CSNK1D: variants seen among roughly 807,000 people sequenced by gnomAD.
CSNK1D encodes the protein casein kinase I isoform delta.
A neutral mutation model predicts 46.6 loss-of-function variants in CSNK1D; 16 were observed. The ratio of observed to expected loss-of-function variants is 0.34; its 90% CI spans 0.23 to 0.52. The LOEUF is 0.52. Ranked by LOEUF, CSNK1D falls within the 20% of genes least tolerant of loss-of-function variation. The probability of loss-of-function intolerance (pLI) is 0.95; values close to 1 mark genes in which losing one functional copy is unlikely to be tolerated. For synonymous variants in CSNK1D, 276 were observed against 228.2 expected (o/e 1.21, Z -1.89); for missense variants, 398 against 578.4 (o/e 0.69, Z 3.20).
chr17:82,258,951 A>C (rs1317384217), intron 2 of CSNK1D, among the ~76,000 whole-genome samples: 1 of 152,202 alleles, frequency 6.6e-6, no homozygotes, highest in Non-Finnish European at 1.5e-5. Flanking sequence ...TCTTCTTCAC[A>C]AGTGTTTTAA....
Position 82,243,822 on chromosome 17 carries a change from G to A in CSNK1D, c.*959C>T. Reference sequence around the variant, plus strand: ...AGGCAGCAAGGCAACAAACACTACAGTAACCACCTCTCGGTTCACAGTCCT... The same window carrying A: ...AGGCAGCAAGGCAACAAACACTACAATAACCACCTCTCGGTTCACAGTCCT... On this transcript the variant is annotated 3_prime_UTR_variant, in exon 9 of 9. Coordinates refer to ENST00000314028, the MANE Select transcript of CSNK1D (RefSeq NM_001893.6). 1 of 985,556 alleles carries A rather than the reference G, an allele frequency of 1.0e-6. No homozygotes were observed. The highest frequency in any genetic ancestry group is 1.2e-6 in the Non-Finnish European group (1 of 829,998). 61.1% of individuals were successfully genotyped at this position (985,556 alleles called of 1,614,324 possible).
intron 2 of CSNK1D, among the ~76,000 whole-genome samples, chr17:82,264,415 G>A (rs1399678505): frequency 6.6e-6 from 1 of 152,224 alleles, no homozygotes; most frequent in Non-Finnish European, 1.5e-5. Flanking sequence ...CCAACTGTTT[G>A]AAAGTCCAGG....
At chr17:82,254,872 C>T (rs1481315260) in intron 3 of CSNK1D, among the ~76,000 whole-genome samples, 2 of 133,614 alleles carry the variant, frequency 1.5e-5, no homozygotes, top group African/African-American at 2.8e-5. Context: ...GCTGAGCCGC[C>T]GGGGGCCTCG....
intron 2 of CSNK1D, 172 bp downstream of exon 2, chr17:82,265,514 G>A (rs1048576058): frequency 1.2e-5 from 8 of 662,166 alleles, no homozygotes; most frequent in Non-Finnish European, 1.9e-5. Context: ...GAGGGTCTCT[G>A]GACCCAAGAC....
intron 1 of CSNK1D, chr17:82,271,959 C>T (rs895559430): frequency 6.6e-6 from 1 of 152,302 alleles, no homozygotes; most frequent in Non-Finnish European, 1.5e-5. Flanking sequence ...CCTCTGCAGG[C>T]ACACCGCCTC....
chr17:82,268,396 A>T (rs1599620621), intron 1 of CSNK1D, among the ~76,000 whole-genome samples: 1 of 152,260 alleles, frequency 6.6e-6, no homozygotes, highest in Non-Finnish European at 1.5e-5. Context: ...TGCACAAGGC[A>T]GCACAGAGGC....
In CSNK1D at chr17:82,244,612, C is replaced by T; in HGVS notation, c.*169G>A. 2.0e-6 allele frequency: 3 copies of T among 1,528,028 alleles called. No individual in the cohort carries two copies. Among genetic ancestry groups the T allele is most frequent in the South Asian group, 2.4e-5 (2 of 82,980 alleles). The allele number at this position is 1,528,028 out of a possible 1,614,324, so 94.7% of individuals were successfully genotyped here. On this transcript the variant is annotated 3_prime_UTR_variant, in exon 9 of 9. Coordinates refer to ENST00000314028, the MANE Select transcript of CSNK1D (RefSeq NM_001893.6). ...CCCCAGCGGTGGCAGCTCTTGGAGT[C>T]TGTCCGTTTAGTATGTTTCCCCCAC...
Position 82,242,673 on chromosome 17 carries a change from A to G in CSNK1D, c.*2108T>C, listed in dbSNP as rs2050757857. 1 of 985,306 alleles carries G rather than the reference A, an allele frequency of 1.0e-6. No homozygotes were observed. Among genetic ancestry groups the G allele is most frequent in the Admixed American group, 6.1e-5 (1 of 16,278 alleles). 61.0% of individuals were successfully genotyped at this position (985,306 alleles called of 1,614,324 possible). ...CATGGAAAGGGGAGGGAAGAAAGGT[A>G]GAAGTCATTATGAATTTATTATTTA... On this transcript the variant is annotated 3_prime_UTR_variant, in exon 9 of 9. Transcript: ENST00000314028.
At position 82,248,213 on chromosome 17, in the gene CSNK1D, A is replaced by G; in HGVS notation, c.1197+662T>C. The G allele has an allele frequency of 2.0e-6, 2 of 985,692 alleles. No individual in the cohort carries two copies. Among genetic ancestry groups the G allele is most frequent in the Non-Finnish European group, 2.4e-6 (2 of 830,098 alleles). The allele number at this position is 985,692 out of a possible 1,614,324, so 61.1% of individuals were successfully genotyped here. A position where few individuals can be genotyped will look rare whatever the true frequency, so the allele number is the denominator to read the frequency against. On this transcript the variant is annotated intron_variant, in intron 8 of 8. Transcript: ENST00000314028. The surrounding 1 kb of genome is among the most constrained non-coding windows in gnomAD (Gnocchi z 4.1). ...ATTTGAAGAAATATAATGGATCCAT[A>G]TGGAGAAAGCTGTTCTAGTTCAAAG... is the stretch of plus-strand genomic sequence containing the variant.
chr17:82,266,731 C>G (rs758031382), intron 1 of CSNK1D: 4 of 152,348 alleles, frequency 2.6e-5, no homozygotes, highest in Non-Finnish European at 5.9e-5. Context: ...ATACCCAGCT[C>G]TCTCCTCTTC....
chr17:82,246,027 A>G, intron 8 of CSNK1D: 1 of 1,610,122 alleles, frequency 6.2e-7, no homozygotes, highest in Non-Finnish European at 8.5e-7. Flanking sequence ...TGGTGTTCGA[A>G]AGGAATGCTA....
chr17:82,262,212 A>G (rs1297327689), intron 2 of CSNK1D, among the ~76,000 whole-genome samples: 1 of 152,230 alleles, frequency 6.6e-6, no homozygotes, highest in African/African-American at 2.4e-5. Context: ...CACATTCCTG[A>G]CAGCTGAAGG....
intron 8 of CSNK1D, chr17:82,246,338 G>A: frequency 7.6e-7 from 1 of 1,309,596 alleles, no homozygotes; most frequent in Non-Finnish European, 9.8e-7. Context: ...AGGATGGCAG[G>A]TGCTGGGCAG....
intron 8 of CSNK1D, chr17:82,246,100 C>A: frequency 1.3e-6 from 2 of 1,566,118 alleles, no homozygotes; most frequent in South Asian, 2.4e-5. Context: ...CTACCTGTGT[C>A]GGCTCCATGT....
chr17:82,257,824 C>G (rs2051213939), intron 2 of CSNK1D, among the ~76,000 whole-genome samples: 1 of 152,216 alleles, frequency 6.6e-6, no homozygotes, highest in Admixed American at 6.5e-5. Flanking sequence ...GAAAACAAAC[C>G]TGGAGTAAGA....
intron 1 of CSNK1D, chr17:82,267,015 G>C (rs375635918): frequency 4.1e-5 from 6 of 146,180 alleles, no homozygotes; most frequent in Non-Finnish European, 7.4e-5. Context: ...AGCCGAGATC[G>C]CGCCACTGCA....
Position 82,273,194 on chromosome 17 carries a change from G to C in CSNK1D, c.76+112C>G. The stretch of plus-strand genomic sequence containing the variant: ...TCTGGCCACGATCCGGCGGTGCCGG[G>C]ACTTGCGCGGAGACCCCGCGGGGGC... On this transcript the variant is annotated intron_variant, in intron 1 of 8. Coordinates refer to ENST00000314028, the MANE Select transcript of CSNK1D (RefSeq NM_001893.6). This position sits in a 1 kb window ranked among gnomAD's most constrained non-coding sequence, Gnocchi z 5.1. 9.0e-7 allele frequency: 1 copy of C among 1,113,286 alleles called. No homozygotes were observed. The highest frequency in any genetic ancestry group is 1.3e-6 in the Non-Finnish European group (1 of 776,208). The allele number at this position is 1,113,286 out of a possible 1,614,324, so 69.0% of individuals were successfully genotyped here.
chr17:82,241,125 G>A (rs1167534971), downstream of CSNK1D, among the ~76,000 whole-genome samples: 1 of 152,174 alleles, frequency 6.6e-6, no homozygotes, highest in Non-Finnish European at 1.5e-5. Flanking sequence ...ACTTGGGGTG[G>A]GGGTGGGGGG....
intron 1 of CSNK1D, among the ~76,000 whole-genome samples, chr17:82,271,671 G>A (rs1314719521): frequency 6.6e-6 from 1 of 152,250 alleles, no homozygotes; most frequent in Non-Finnish European, 1.5e-5. Flanking sequence ...CACCTGGCAG[G>A]TTAACCAGGC....
Sources: gnomAD v4.1 joint callset for allele counts (sites outside exome capture counted in the v4.1 genomes callset) on GRCh38, gnomAD v4.1.1 for gene constraint, Gnocchi (gnomAD v3.1) non-coding constraint, MANE v1.5 for transcripts, NCBI Gene and HGNC (gene_info 2026-07-23, HGNC 2026-07-21) for gene names.